The following TENM1 variants were observed in gnomAD, a reference collection of about 807,000 sequenced individuals.
The protein encoded by TENM1 is teneurin transmembrane protein 1, also known as teneurin-1.
A neutral mutation model predicts 174.8 loss-of-function variants in TENM1; 35 were observed. That is an observed-to-expected ratio of 0.20 (90% CI 0.15 to 0.27). The LOEUF is 0.27. Among genes scored for constraint, TENM1 ranks in the 10% least tolerant of loss-of-function variants. TENM1 has a pLI of 1.00. For synonymous variants in TENM1, 781 were observed against 798.7 expected, an observed-to-expected ratio of 0.98 and a Z score of 0.37; for missense variants, 1,633 against 2,130.1, an observed-to-expected ratio of 0.77 and a Z score of 4.59.
At chrX:124,484,998 G>C (rs894486614) in intron 21 of TENM1, among the ~76,000 whole-genome samples, 1 of 111,303 alleles carries the variant, frequency 9.0e-6, no homozygotes, top group African/African-American at 3.3e-5. Flanking sequence ...ATAAAACTAA[G>C]ACATAAAAGA....
the TENM1 span, among the ~76,000 whole-genome samples, chrX:125,194,880 A>T: frequency 2.7e-5 from 3 of 111,913 alleles, no homozygotes; most frequent in East Asian, 8.4e-4. Context: ...ACTCTTTAAG[A>T]ATCAATTCAA....
chrX:125,079,721 G>C, the TENM1 span, among the ~76,000 whole-genome samples: 3 of 111,111 alleles, frequency 2.7e-5, no homozygotes, highest in Non-Finnish European at 3.8e-5. Flanking sequence ...ATGGGATTGA[G>C]AAAAGAAAAC....
chrX:125,050,684 G>A, the TENM1 span, among the ~76,000 whole-genome samples: 5 of 111,201 alleles, frequency 4.5e-5, no homozygotes, highest in South Asian at 1.9e-3. Context: ...CCCAGTAATG[G>A]GATGGCTGGG....
Position 124,849,423 on chromosome X carries a change from T to C in TENM1, c.535+44873A>G, listed in dbSNP as rs760291309. On this transcript the variant is annotated intron_variant, in intron 3 of 31. Coordinates refer to ENST00000422452, the Ensembl canonical transcript of TENM1. ...AAATTCTGCCTCTCTCTTTCTTTTT[T>C]TCTCTCTCTCTCTCTCTCTGTTGCT... 4.0e-4 allele frequency among the ~76,000 whole-genome samples: 40 copies of C among 99,685 alleles called. 3 individuals are homozygous for C. The highest frequency in any genetic ancestry group is 1.4e-3 in the East Asian group (5 of 3,482). The allele number at this position is 99,685 out of a possible 115,157, so 86.6% of individuals were successfully genotyped here. A position where few individuals can be genotyped will look rare whatever the true frequency, so the allele number is the denominator to read the frequency against.
the TENM1 span, among the ~76,000 whole-genome samples, chrX:125,092,925 T>C: frequency 8.9e-6 from 1 of 112,108 alleles, no homozygotes; most frequent in African/African-American, 3.2e-5. Context: ...GGTTACTTTT[T>C]AGTATTCCTG....
At chrX:124,880,000 C>T (rs1238367230) in intron 3 of TENM1, among the ~76,000 whole-genome samples, 1 of 111,725 alleles carries the variant, frequency 9.0e-6, no homozygotes, top group Non-Finnish European at 1.9e-5. Flanking sequence ...CAGCTTTGTT[C>T]TTTTTGCTCA....
intron 21 of TENM1, among the ~76,000 whole-genome samples, chrX:124,483,890 C>G (rs762839212): frequency 9.3e-4 from 104 of 111,696 alleles, no homozygotes; most frequent in Non-Finnish European, 1.5e-3. Context: ...TTAGCAGCAC[C>G]TATTGTATGG....
intron 20 of TENM1, among the ~76,000 whole-genome samples, chrX:124,491,662 T>A (rs1380799717): frequency 8.9e-6 from 1 of 111,954 alleles, no homozygotes; most frequent in Non-Finnish European, 1.9e-5. Context: ...TTTCTAATGA[T>A]AGTGATATTG....
chrX:124,986,704 C>T, the TENM1 span, among the ~76,000 whole-genome samples: 2 of 111,079 alleles, frequency 1.8e-5, no homozygotes, highest in East Asian at 2.8e-4. Flanking sequence ...TGCAGTGGTG[C>T]GATCTCAGCT....
intron 27 of TENM1, among the ~76,000 whole-genome samples, chrX:124,400,090 T>C (rs2060383022): frequency 8.9e-6 from 1 of 111,858 alleles, no homozygotes; most frequent in Non-Finnish European, 1.9e-5. Context: ...GGGGGCTCCT[T>C]AGGGGGAAAA....
chrX:124,421,508 G>A (rs906887324), intron 24 of TENM1, among the ~76,000 whole-genome samples: 3 of 111,697 alleles, frequency 2.7e-5, no homozygotes, highest in Non-Finnish European at 3.8e-5. Flanking sequence ...ATAGCACTGC[G>A]TGTAGTATGG....
the TENM1 span, among the ~76,000 whole-genome samples, chrX:125,139,233 C>T: frequency 3.6e-4 from 40 of 110,816 alleles, no homozygotes; most frequent in Non-Finnish European, 5.3e-4. Flanking sequence ...AAAATTTGGA[C>T]AACAAAACAG....
rs532774187 is a variant in TENM1 at position 124,741,221 on chromosome X, C to T, written c.536-4024G>A. Reference sequence around the variant, plus strand: ...TCCAAAAGGTAAGTGCAAGAAGAAACGTGTCACGCATAGTTTTTTCTTTTT... The same window carrying T: ...TCCAAAAGGTAAGTGCAAGAAGAAATGTGTCACGCATAGTTTTTTCTTTTT... On this transcript the variant is annotated intron_variant, in intron 3 of 31. Coordinates refer to ENST00000422452, the Ensembl canonical transcript of TENM1. Among the ~76,000 whole-genome samples the T allele has an allele frequency of 4.5e-5, 5 of 111,562 alleles. No individual in the cohort carries two copies. In the East Asian group the frequency reaches 1.1e-3, roughly 25 times the overall value.
chrX:124,952,819 A>C (rs941942279), intron 1 of TENM1, among the ~76,000 whole-genome samples: 1 of 111,441 alleles, frequency 9.0e-6, no homozygotes, highest in African/African-American at 3.3e-5. Flanking sequence ...TAACAGTTTG[A>C]CTCTGGTGTA....
At chrX:124,747,859 G>C (rs978913858) in intron 3 of TENM1, among the ~76,000 whole-genome samples, 1 of 110,599 alleles carries the variant, frequency 9.0e-6, no homozygotes, top group Non-Finnish European at 1.9e-5. Context: ...TGACAACCTG[G>C]ATTTGATTCA....
At chrX:124,522,582 G>A (rs1335450062) in intron 17 of TENM1, among the ~76,000 whole-genome samples, 1 of 110,543 alleles carries the variant, frequency 9.0e-6, no homozygotes, top group African/African-American at 3.3e-5. Context: ...AAACTGCACA[G>A]GCTTGAAAAC....
intron 3 of TENM1, among the ~76,000 whole-genome samples, chrX:124,856,526 T>C (rs374782124): frequency 7.2e-5 from 8 of 111,485 alleles, no homozygotes; most frequent in African/African-American, 2.6e-4. Context: ...GGGAATAATA[T>C]TCATAGCACA....
intron 3 of TENM1, among the ~76,000 whole-genome samples, chrX:124,853,653 G>A: frequency 9.0e-6 from 1 of 111,004 alleles, no homozygotes; most frequent in South Asian, 3.8e-4. Context: ...TGTGCGTGGA[G>A]TAAATATTTC....
intron 1 of TENM1, among the ~76,000 whole-genome samples, chrX:124,952,436 A>C (rs779487847): frequency 9.1e-6 from 1 of 110,403 alleles, no homozygotes; most frequent in African/African-American, 3.3e-5. Flanking sequence ...CATACAATAA[A>C]ATTCTGCATT....
Sources: allele counts gnomAD v4.1 joint callset (sites outside exome capture counted in the v4.1 genomes callset), GRCh38; gene constraint gnomAD v4.1.1; transcripts MANE v1.5; gene names NCBI Gene and HGNC (gene_info 2026-07-23, HGNC 2026-07-21).